The following COLEC12 variants were observed in gnomAD, a reference collection of about 807,000 sequenced individuals.
COLEC12 encodes the protein collectin-12.
In COLEC12, 33 loss-of-function variants were observed where a neutral mutation model predicts 71.1. The ratio of observed to expected loss-of-function variants is 0.46; its 90% CI spans 0.35 to 0.62. The LOEUF (loss-of-function observed/expected upper bound fraction) is 0.62, where lower values mean the gene tolerates loss of function less well. Among genes scored for constraint, COLEC12 ranks in the 20% least tolerant of loss-of-function variants. The pLI, the probability that COLEC12 is intolerant of heterozygous loss-of-function variation, is 0.00. For missense variants in COLEC12, 765 were observed against 916.1 expected (o/e 0.84, Z 2.13); for synonymous variants, 350 against 353.0 (o/e 0.99, Z 0.10).
chr18:440,374 CACAT>C (rs71174232), intron 2 of COLEC12, among the ~76,000 whole-genome samples: 10,905 of 99,584 alleles, frequency 0.11, 386 homozygotes, highest in South Asian at 0.17. Context: ...CACACACACA[CACAT>C]ACACACACAC....
At chr18:344,241 G>A (rs1386474618) in intron 5 of COLEC12, among the ~76,000 whole-genome samples, 1 of 152,036 alleles carries the variant, frequency 6.6e-6, no homozygotes, top group East Asian at 1.9e-4. Context: ...ATTGAGTAGG[G>A]GAGCCATTAT....
intron 3 of COLEC12, among the ~76,000 whole-genome samples, chr18:349,319 C>T (rs1914456189): frequency 6.6e-6 from 1 of 152,230 alleles, no homozygotes; most frequent in Non-Finnish European, 1.5e-5. Flanking sequence ...AGTCTCAAGC[C>T]TTGGCAGCTT....
chr18:346,632 G>T lies in COLEC12; in HGVS notation c.990C>A (p.Asn330Lys). Reference sequence around the variant, plus strand: ...AGAGCTGGAAGCGTTCCTCCAGTTGGTTGAACTTGATGGCTGTTCTATTCT... The same window carrying T: ...AGAGCTGGAAGCGTTCCTCCAGTTGTTTGAACTTGATGGCTGTTCTATTCT... ...DAENRTAIKF[N>K]QLEERFQLFE... is the part of the protein sequence containing the mutation. Residue 330 changes from asparagine to lysine, a missense_variant, in exon 5 of 10, where the codon AAC becomes AAA. Transcript: ENST00000400256. The surrounding 1 kb of genome is among the most constrained non-coding windows in gnomAD (Gnocchi z 4.0). The T allele has an allele frequency of 6.2e-7, 1 of 1,614,232 alleles. No homozygotes were observed. Among genetic ancestry groups the T allele is most frequent in the South Asian group, 1.1e-5 (1 of 91,088 alleles).
At chr18:453,376 A>C (rs1916800169) in intron 2 of COLEC12, among the ~76,000 whole-genome samples, 1 of 152,192 alleles carries the variant, frequency 6.6e-6, no homozygotes, top group Admixed American at 6.5e-5. Context: ...ATGAGGAAGG[A>C]GGAGGAAGAG....
At chr18:321,336 G>T (rs977600618) in intron 9 of COLEC12, among the ~76,000 whole-genome samples, 2 of 152,250 alleles carry the variant, frequency 1.3e-5, no homozygotes, top group African/African-American at 4.8e-5. Context: ...TTACAGGCGT[G>T]AGCCACCGTG....
chr18:324,188 T>A (rs907174029), intron 8 of COLEC12, among the ~76,000 whole-genome samples: 5 of 152,130 alleles, frequency 3.3e-5, no homozygotes, highest in Admixed American at 1.3e-4. Flanking sequence ...ATGGAGTGAT[T>A]TGTGGCAAAA....
In COLEC12 at chr18:346,416, T is replaced by C; in HGVS notation, c.1206A>G (p.Gln402=). The stretch of plus-strand genomic sequence containing the variant: ...CTAACCTCGACCTCATCAAATCTTG[T>C]TGCATCCTGAGAGAAACAGAATCCA... ...IRLDSVSLRM[Q]QDLMRSRLDT... is the part of the protein sequence containing the mutation. The change falls in exon 5 of 10, where the codon CAA becomes CAG. Residue 402 remains glutamine, a synonymous_variant. Coordinates refer to ENST00000400256, the MANE Select transcript of COLEC12 (RefSeq NM_130386.3). This position sits in a 1 kb window ranked among gnomAD's most constrained non-coding sequence, Gnocchi z 4.0. The C allele has an allele frequency of 6.2e-7, 1 of 1,614,198 alleles. No individual in the cohort carries two copies. Among genetic ancestry groups the C allele is most frequent in the African/African-American group, 1.3e-5 (1 of 75,052 alleles).
At chr18:439,929 C>T (rs1459044036) in intron 2 of COLEC12, among the ~76,000 whole-genome samples, 2 of 152,038 alleles carry the variant, frequency 1.3e-5, no homozygotes, top group Admixed American at 1.3e-4. Flanking sequence ...AGCTAAGATA[C>T]AGAAACAATC....
chr18:325,999 T>G (rs1913834035), intron 8 of COLEC12, among the ~76,000 whole-genome samples: 1 of 152,198 alleles, frequency 6.6e-6, no homozygotes, highest in African/African-American at 2.4e-5. Context: ...TTTCACTGCT[T>G]TCCTTCCTTT....
In COLEC12 at chr18:319,351, TATATATATATATAC is replaced by T. The variant is rs1385189705; in HGVS notation, c.*680_*693del. ...AAAAAAAAAAAAAAAAATATATATA[TATATATATATATAC>T]ACATGTATATTTAATTATTTTTTTA... On this transcript the variant is annotated 3_prime_UTR_variant, in exon 10 of 10. Coordinates refer to ENST00000400256, the MANE Select transcript of COLEC12 (RefSeq NM_130386.3). 2 of 134,852 alleles carry T rather than the reference TATATATATATATAC, an allele frequency of 1.5e-5. No homozygotes were observed. The highest frequency in any genetic ancestry group is 3.2e-5 in the Non-Finnish European group (2 of 62,138). 8.4% of individuals were successfully genotyped at this position (134,852 alleles called of 1,614,324 possible).
chr18:414,601 AAAAC>A (rs759779718), intron 2 of COLEC12, among the ~76,000 whole-genome samples: 4 of 152,182 alleles, frequency 2.6e-5, no homozygotes, highest in African/African-American at 9.7e-5. Flanking sequence ...TGTGTCTCAG[AAAAC>A]AAACAAACAA....
Position 346,187 on chromosome 18 carries a change from A to C in COLEC12, c.1327+108T>G. The C allele has an allele frequency of 8.6e-6, 7 of 818,578 alleles. No homozygotes were observed. The highest frequency in any genetic ancestry group is 1.3e-5 in the Non-Finnish European group (7 of 527,024). 50.7% of individuals were successfully genotyped at this position (818,578 alleles called of 1,614,324 possible). On this transcript the variant is annotated intron_variant, in intron 5 of 9. Transcript: ENST00000400256. The surrounding 1 kb of genome is among the most constrained non-coding windows in gnomAD (Gnocchi z 4.0). Reference sequence around the variant, plus strand: ...TGCTCTTGAATTCCTGGTCCACAAAAACTATGAGATGATGAATATTTATTG... The same window carrying C: ...TGCTCTTGAATTCCTGGTCCACAAACACTATGAGATGATGAATATTTATTG...
At chr18:378,812 C>A (rs1915169215) in intron 2 of COLEC12, among the ~76,000 whole-genome samples, 1 of 152,098 alleles carries the variant, frequency 6.6e-6, no homozygotes, top group South Asian at 2.1e-4. Context: ...GATTGTTCTC[C>A]CCTCCATTCT....
chr18:456,245 C>T (rs533373148), intron 2 of COLEC12, among the ~76,000 whole-genome samples: 73 of 152,314 alleles, frequency 4.8e-4, no homozygotes, highest in Non-Finnish European at 2.9e-4. Context: ...AGCTACTATG[C>T]CCAGTCTGAG....
At chr18:451,023 C>CTACTAATGTTT (rs1916750458) in intron 2 of COLEC12, among the ~76,000 whole-genome samples, 1 of 152,216 alleles carries the variant, frequency 6.6e-6, no homozygotes, top group Non-Finnish European at 1.5e-5. Flanking sequence ...GTGGAAGAAA[C>CTACTAATGTTT]TACTAAGCAG....
At chr18:464,764 C>A (rs1394857880) in intron 2 of COLEC12, among the ~76,000 whole-genome samples, 1 of 152,246 alleles carries the variant, frequency 6.6e-6, no homozygotes, top group Non-Finnish European at 1.5e-5. Flanking sequence ...AGGTACACAA[C>A]ATATACTGTT....
At chr18:378,473 C>G (rs1193638597) in intron 2 of COLEC12, among the ~76,000 whole-genome samples, 1 of 152,132 alleles carries the variant, frequency 6.6e-6, no homozygotes, top group Non-Finnish European at 1.5e-5. Context: ...CTGAAACGTC[C>G]GATGCAATTG....
intron 1 of COLEC12, among the ~76,000 whole-genome samples, chr18:496,864 T>C (rs186344945): frequency 3.9e-4 from 59 of 152,208 alleles, no homozygotes; most frequent in Middle Eastern, 6.8e-3. Flanking sequence ...CTAACCAATA[T>C]CCCCAACTTT....
chr18:381,764 G>A (rs1042088555), intron 2 of COLEC12, among the ~76,000 whole-genome samples: 3 of 152,240 alleles, frequency 2.0e-5, no homozygotes, highest in South Asian at 2.1e-4. Flanking sequence ...TATAAATCAC[G>A]GGGCATCATG....
Sources: gnomAD v4.1 joint callset for allele counts (sites outside exome capture counted in the v4.1 genomes callset) on GRCh38, gnomAD v4.1.1 for gene constraint, Gnocchi (gnomAD v3.1) non-coding constraint, MANE v1.5 for transcripts, NCBI Gene and HGNC (gene_info 2026-07-23, HGNC 2026-07-21) for gene names.